Variants in MLPH observed in about 807,000 individuals in gnomAD.
MLPH encodes exophilin-3.
Under a neutral mutation model 72.1 loss-of-function variants are expected in MLPH, and 51 were observed. That is an observed-to-expected ratio of 0.71 (90% CI 0.56 to 0.89). The LOEUF is 0.89. Ranked by LOEUF, MLPH falls within the 40% of genes least tolerant of loss-of-function variation. The pLI, the probability that MLPH is intolerant of heterozygous loss-of-function variation, is 0.00. For synonymous variants in MLPH, 301 were observed against 310.1 expected, an observed-to-expected ratio of 0.97 and a Z score of 0.31; for missense variants, 743 against 759.9, an observed-to-expected ratio of 0.98 and a Z score of 0.26.
Position 237,540,414 on chromosome 2 carries a change from G to C in MLPH, c.1171G>C (p.Glu391Gln). Reference sequence around the variant, plus strand: ...GGAGGCCCTGAGGAGGAAGCTGGAGGAGCTGACCAGCAACGTCAGTGACCA... The same window carrying C: ...GGAGGCCCTGAGGAGGAAGCTGGAGCAGCTGACCAGCAACGTCAGTGACCA... ...EEEALRRKLEELTSNVSDQET... is the reference protein window; with the variant it reads ...EEEALRRKLEQLTSNVSDQET... Residue 391 changes from glutamate to glutamine, a missense_variant, in exon 10 of 16, where the codon GAG (glutamate) becomes CAG (glutamine). Coordinates refer to ENST00000264605, the MANE Select transcript of MLPH (RefSeq NM_024101.7). 1 of 1,613,576 alleles carries C rather than the reference G, an allele frequency of 6.2e-7. No individual in the cohort carries two copies.
At chr2:237,542,136 G>A (rs1455119532) in intron 11 of MLPH, among the ~76,000 whole-genome samples, 1 of 152,100 alleles carries the variant, frequency 6.6e-6, no homozygotes, top group Non-Finnish European at 1.5e-5. Flanking sequence ...TCCAGAAGCT[G>A]CCCCCAGCTG....
chr2:237,525,782 C>T lies in MLPH; in HGVS notation c.857C>T (p.Ala286Val), dbSNP rs752336181. The change falls in exon 7 of 16, where the codon GCC becomes GTC. Residue 286 changes from alanine to valine, a missense_variant. Ala to Val is a moderately conservative substitution (Grantham distance 64). Transcript: ENST00000264605. ...CCGCCTGGAGGCTCCCACAGGATGG[C>T]CCTGGGGACTGCTGCTGCACTCGGT... ...LCPPGGSHRM[A>V]LGTAAALGSN... 6.2e-7 allele frequency: 1 copy of T among 1,613,252 alleles called. No homozygotes were observed. Among genetic ancestry groups the T allele is most frequent in the Non-Finnish European group, 8.5e-7 (1 of 1,180,040 alleles).
intron 8 of MLPH, among the ~76,000 whole-genome samples, chr2:237,533,259 C>T (rs918726795): frequency 6.6e-6 from 1 of 152,044 alleles, no homozygotes; most frequent in African/African-American, 2.4e-5. Context: ...AAACACAGTT[C>T]CCAGGTGGAG....
rs751035822 is a variant in MLPH at position 237,510,497 on chromosome 2, A to G, written c.111-77A>G. 1.3e-5 allele frequency: 16 copies of G among 1,217,616 alleles called. No individual in the cohort carries two copies. The highest frequency in any genetic ancestry group is 2.5e-5 in the East Asian group (1 of 40,786). 75.4% of individuals were successfully genotyped at this position (1,217,616 alleles called of 1,614,324 possible). ...TGTGTCTGTGTCTGTGTGTGTGTGT[A>G]TGTACGTGTACACACTTAAAGCCTG... On this transcript the variant is annotated intron_variant, in intron 2 of 15. Coordinates refer to ENST00000264605, the MANE Select transcript of MLPH (RefSeq NM_024101.7). The surrounding 1 kb of genome is among the most constrained non-coding windows in gnomAD (Gnocchi z 4.4).
intron 2 of MLPH, among the ~76,000 whole-genome samples, chr2:237,508,665 C>T (rs1164656912): frequency 1.3e-5 from 2 of 152,222 alleles, no homozygotes; most frequent in South Asian, 2.1e-4. Context: ...GACCACTCTT[C>T]GAAATCATTG....
chr2:237,525,596 CT>C lies in MLPH; in HGVS notation c.676-3del. 1.9e-6 allele frequency: 3 copies of C among 1,614,086 alleles called. No individual in the cohort carries two copies. The highest frequency in any genetic ancestry group is 2.5e-6 in the Non-Finnish European group (3 of 1,179,992). Reference sequence around the variant, plus strand: ...CAGAGGAGGCTGACAGCCCCATGTGCTTAGTCCCTCACAGATGAGTCCTGCT... The same window carrying C: ...CAGAGGAGGCTGACAGCCCCATGTGCTAGTCCCTCACAGATGAGTCCTGCT... On this transcript the variant is annotated splice_region_variant and splice_polypyrimidine_tract_variant and intron_variant, in intron 6 of 15. Coordinates refer to ENST00000264605, the MANE Select transcript of MLPH (RefSeq NM_024101.7).
chr2:237,541,781 GCAAA>G lies in MLPH; in HGVS notation c.1447-778_1447-775del, dbSNP rs1411871376. Among the ~76,000 whole-genome samples, 2 of 152,232 alleles carry G rather than the reference GCAAA, an allele frequency of 1.3e-5. No homozygotes were observed. Among genetic ancestry groups the G allele is most frequent in the Non-Finnish European group, 2.9e-5 (2 of 68,038 alleles). On this transcript the variant is annotated intron_variant, in intron 11 of 15. Coordinates refer to ENST00000264605, the MANE Select transcript of MLPH (RefSeq NM_024101.7). This position sits in a 1 kb window ranked among gnomAD's most constrained non-coding sequence, Gnocchi z 5.1. ...TGTTTTTAGTGGAAGGAGATAAACA[GCAAA>G]CAAACAAGATCATTTGGGTTCATGA...
chr2:237,525,973 C>A (rs2080296716), intron 7 of MLPH, among the ~76,000 whole-genome samples, 168 bp downstream of exon 7: 2 of 152,256 alleles, frequency 1.3e-5, no homozygotes, highest in African/African-American at 4.8e-5. Flanking sequence ...CCGTGGACAC[C>A]TGCCGTCCCC....
At chr2:237,536,868 C>A (rs1055174197) in intron 9 of MLPH, among the ~76,000 whole-genome samples, 1 of 152,196 alleles carries the variant, frequency 6.6e-6, no homozygotes, top group Non-Finnish European at 1.5e-5. Context: ...AGGGAAAGGG[C>A]AGCCACCCTC....
rs541040122 is a variant in MLPH at position 237,527,559 on chromosome 2, G to A, written c.1020+43G>A. On this transcript the variant is annotated intron_variant, in intron 8 of 15. Transcript: ENST00000264605. ...GACTTCTGTCTTGTCGTTTCTTTGGGTGGAGTCTTTTTACCTCCACACCAA... is the reference window on the plus strand; with the variant it reads ...GACTTCTGTCTTGTCGTTTCTTTGGATGGAGTCTTTTTACCTCCACACCAA... 517 of 1,613,170 alleles carry A rather than the reference G, an allele frequency of 3.2e-4. 6 individuals carry two copies. The South Asian group carries it at 5.2e-3, about 16-fold the overall frequency.
At chr2:237,536,790 G>A (rs574931675) in intron 9 of MLPH, among the ~76,000 whole-genome samples, 14 of 152,210 alleles carry the variant, frequency 9.2e-5, no homozygotes, top group African/African-American at 2.9e-4. Flanking sequence ...AGCAACACTC[G>A]GGACCCGCTG....
chr2:237,553,229 G>C (rs550185303), intron 15 of MLPH: 58 of 493,794 alleles, frequency 1.2e-4, no homozygotes, highest in Non-Finnish European at 2.2e-4. Flanking sequence ...GGACCAATCC[G>C]AGGTACTTTC....
At chr2:237,549,651 C>A (rs1254790204) in intron 14 of MLPH, among the ~76,000 whole-genome samples, 1 of 152,174 alleles carries the variant, frequency 6.6e-6, no homozygotes, top group Non-Finnish European at 1.5e-5. Flanking sequence ...TAGCTTTGTC[C>A]TGGACGAACG....
intron 1 of MLPH, among the ~76,000 whole-genome samples, chr2:237,488,298 G>C (rs1361617740): frequency 6.6e-6 from 1 of 152,150 alleles, no homozygotes; most frequent in Non-Finnish European, 1.5e-5. Flanking sequence ...TCAGGAAAAG[G>C]CTTCTGGACT....
intron 8 of MLPH, among the ~76,000 whole-genome samples, chr2:237,531,716 G>A (rs919841707): frequency 1.3e-5 from 2 of 152,074 alleles, no homozygotes; most frequent in Admixed American, 6.5e-5. Flanking sequence ...ATAAGTATTA[G>A]TATATCAAGT....
At chr2:237,514,223 C>T (rs1209301462) in intron 4 of MLPH, among the ~76,000 whole-genome samples, 4 of 151,790 alleles carry the variant, frequency 2.6e-5, no homozygotes, top group African/African-American at 9.7e-5. Flanking sequence ...GGTCTTATGA[C>T]CTAAAGTCAA....
At chr2:237,533,390 C>CATTTTTTTTTTTTTT (rs1553600847) in intron 8 of MLPH, among the ~76,000 whole-genome samples, 1 of 108,010 alleles carries the variant, frequency 9.3e-6, no homozygotes, top group African/African-American at 3.8e-5. Flanking sequence ...ATTTTCTTTT[C>CATTTTTTTTTTTTTT]TTTTTTTTTT....
chr2:237,552,061 T>G (rs993400715), intron 14 of MLPH: 3 of 436,986 alleles, frequency 6.9e-6, no homozygotes, highest in Non-Finnish European at 1.3e-5. Context: ...TGATGGGCCT[T>G]TCTGCTGCTT....
intron 12 of MLPH, chr2:237,546,347 T>G: frequency 2.0e-6 from 1 of 510,922 alleles, no homozygotes; most frequent in Non-Finnish European, 3.5e-6. Context: ...AGCTTGGTGA[T>G]TGTGGAGTCT....
Sources: gnomAD v4.1 joint callset for allele counts (sites outside exome capture counted in the v4.1 genomes callset) on GRCh38, gnomAD v4.1.1 for gene constraint, Gnocchi (gnomAD v3.1) non-coding constraint, MANE v1.5 for transcripts, NCBI Gene and HGNC (gene_info 2026-07-23, HGNC 2026-07-21) for gene names.